Variants in GAN observed in about 807,000 individuals in gnomAD.
GAN encodes the protein gigaxonin.
Under a neutral mutation model 71.3 loss-of-function variants are expected in GAN, and 48 were observed. The ratio of observed to expected loss-of-function variants is 0.67; its 90% confidence interval spans 0.53 to 0.86. The LOEUF is 0.86. Among genes scored for constraint, GAN ranks in the 40% least tolerant of loss-of-function variants. GAN has a pLI of 0.00. For synonymous variants in GAN, 386 were observed against 276.8 expected (o/e 1.39, Z -3.92); for missense variants, 928 against 770.1 (o/e 1.21, Z -2.43).
intron 1 of GAN, among the ~76,000 whole-genome samples, chr16:81,338,343 G>T (rs1342099172): frequency 6.6e-6 from 1 of 152,086 alleles, no homozygotes; most frequent in Non-Finnish European, 1.5e-5. Flanking sequence ...CTCCTGAGGT[G>T]GGGACAGAGA....
intron 1 of GAN, among the ~76,000 whole-genome samples, chr16:81,339,685 A>G (rs4369657): frequency 0.24 from 35,768 of 152,140 alleles, 6,212 homozygotes; most frequent in East Asian, 0.77. Context: ...ACAGGAATCT[A>G]TTTTTACCTA....
intron 3 of GAN, among the ~76,000 whole-genome samples, chr16:81,356,157 C>T (rs1391022781): frequency 6.6e-6 from 1 of 152,204 alleles, no homozygotes; most frequent in Non-Finnish European, 1.5e-5. Flanking sequence ...GCTGTAAAGA[C>T]AGTTGATTTT....
intron 3 of GAN, 41 bp from the exon 4 acceptor site, chr16:81,356,744 T>A: frequency 7.6e-7 from 1 of 1,318,200 alleles, no homozygotes. Context: ...TGTGTTGCAT[T>A]TTCCATTGTT....
In GAN at chr16:81,363,900, C is replaced by T; in HGVS notation, c.1193C>T (p.Ser398Phe). 2 of 1,613,404 alleles carry T rather than the reference C, an allele frequency of 1.2e-6. No individual in the cohort carries two copies. The highest frequency in any genetic ancestry group is 2.2e-5 in the East Asian group (1 of 44,866). The change falls in exon 7 of 11, where the codon TCT (serine) becomes TTT (phenylalanine). Residue 398 changes from serine to phenylalanine, a missense_variant. Physicochemically the swap from Ser to Phe is radical, Grantham distance 155 (BLOSUM62 -2). Transcript: ENST00000648994. Reference protein sequence around the residue: ...LISMECYDIYSKTWTKQPDLT... With the variant: ...LISMECYDIYFKTWTKQPDLT... ...TCCATGGAGTGTTACGATATTTATTCTAAAACCTGGACAAAGCAACCTGAT... is the reference window on the plus strand; with the variant it reads ...TCCATGGAGTGTTACGATATTTATTTTAAAACCTGGACAAAGCAACCTGAT...
chr16:81,319,709 A>G (rs922610280), intron 1 of GAN, among the ~76,000 whole-genome samples: 2 of 150,220 alleles, frequency 1.3e-5, no homozygotes, highest in African/African-American at 4.9e-5. Context: ...CTTCCCCCCG[A>G]CCCCCCCTTA....
intron 6 of GAN, among the ~76,000 whole-genome samples, 177 bp from the exon 7 acceptor site, chr16:81,363,617 C>T (rs1910750048): frequency 6.6e-6 from 1 of 152,196 alleles, no homozygotes; most frequent in Non-Finnish European, 1.5e-5. Flanking sequence ...TACCAAGCGT[C>T]GTACCCAATA....
intron 1 of GAN, among the ~76,000 whole-genome samples, chr16:81,332,015 G>A (rs1909594990): frequency 6.6e-6 from 1 of 152,102 alleles, no homozygotes; most frequent in South Asian, 2.1e-4. Flanking sequence ...TACAAAATTA[G>A]CCGGGCATGG....
intron 1 of GAN, among the ~76,000 whole-genome samples, chr16:81,334,533 C>T (rs1039952113): frequency 2.0e-5 from 3 of 152,174 alleles, no homozygotes; most frequent in African/African-American, 7.2e-5. Context: ...TAGGTTTATT[C>T]CCAAATGAAA....
chr16:81,344,702 A>G (rs1910058266), intron 1 of GAN, among the ~76,000 whole-genome samples: 1 of 152,244 alleles, frequency 6.6e-6, no homozygotes, highest in Non-Finnish European at 1.5e-5. Flanking sequence ...AGGCATGGGC[A>G]AAGACCATGT....
chr16:81,376,521 G>GTA (rs1255360825), intron 9 of GAN, among the ~76,000 whole-genome samples: 2 of 146,626 alleles, frequency 1.4e-5, no homozygotes, highest in East Asian at 2.0e-4. Context: ...ATGTGTGTGT[G>GTA]TATACATATA....
At chr16:81,372,492 A>T (rs1275304881) in intron 9 of GAN, among the ~76,000 whole-genome samples, 3 of 152,234 alleles carry the variant, frequency 2.0e-5, no homozygotes, top group Non-Finnish European at 4.4e-5. Flanking sequence ...TACCTGTTTT[A>T]TAAGCAGCAA....
intron 4 of GAN, 32 bp downstream of exon 4, chr16:81,357,034 G>A: frequency 1.6e-6 from 2 of 1,263,346 alleles, no homozygotes; most frequent in Non-Finnish European, 2.3e-6. Flanking sequence ...TTTGAAAAGT[G>A]GTGTATGGGA....
At chr16:81,369,616 G>C (rs975878433) in intron 9 of GAN, among the ~76,000 whole-genome samples, 4 of 151,994 alleles carry the variant, frequency 2.6e-5, no homozygotes, top group Non-Finnish European at 5.9e-5. Flanking sequence ...TTTTGAGACG[G>C]AGTCTCACTC....
chr16:81,371,142 C>G (rs899247977), intron 9 of GAN, among the ~76,000 whole-genome samples: 2 of 152,138 alleles, frequency 1.3e-5, no homozygotes, highest in African/African-American at 4.8e-5. Flanking sequence ...GTTAGTAATT[C>G]TAAAATGTTT....
intron 5 of GAN, among the ~76,000 whole-genome samples, chr16:81,360,161 G>C (rs117957962): frequency 3.3e-5 from 5 of 152,030 alleles, no homozygotes; most frequent in Non-Finnish European, 7.4e-5. Flanking sequence ...CACTTTCTTC[G>C]TTCTTCCTTC....
At chr16:81,353,032 C>T (rs1201682490) in intron 2 of GAN, among the ~76,000 whole-genome samples, 2 of 152,208 alleles carry the variant, frequency 1.3e-5, no homozygotes, top group African/African-American at 4.8e-5. Flanking sequence ...TGGCTCACGC[C>T]TGTAATCCCA....
chr16:81,365,358 C>T lies in GAN; in HGVS notation c.1382C>T (p.Ala461Val), dbSNP rs753748994. The change falls in exon 9 of 11, where the codon GCG becomes GTG. Residue 461 changes from alanine to valine, a missense_variant. Physicochemically the swap from Ala to Val is moderately conservative, Grantham distance 64 (BLOSUM62 0). Transcript: ENST00000648994. Reference sequence around the variant, plus strand: ...TGTGTGTGGCCTTTCAGGTTTGGAGCGGTGGCCTGTGGAGTTGCTATGGAG... The same window carrying T: ...TGTGTGTGGCCTTTCAGGTTTGGAGTGGTGGCCTGTGGAGTTGCTATGGAG... Reference protein sequence around the residue: ...ICPLKERRFGAVACGVAMELY... With the variant: ...ICPLKERRFGVVACGVAMELY... 7 of 1,613,382 alleles carry T rather than the reference C, an allele frequency of 4.3e-6. No individual in the cohort carries two copies. Among genetic ancestry groups the T allele is most frequent in the East Asian group, 2.2e-5 (1 of 44,866 alleles).
At chr16:81,347,246 C>G (rs889975759) in intron 1 of GAN, among the ~76,000 whole-genome samples, 6 of 152,106 alleles carry the variant, frequency 3.9e-5, no homozygotes, top group African/African-American at 9.7e-5. Flanking sequence ...TGAGTAAAAC[C>G]ATTAGTTCAC....
At chr16:81,352,534 C>A (rs2150684363) in intron 2 of GAN, among the ~76,000 whole-genome samples, 1 of 152,184 alleles carries the variant, frequency 6.6e-6, no homozygotes, top group South Asian at 2.1e-4. Context: ...AGATCTTGTT[C>A]CCTACTCTCT....
Sources: gnomAD v4.1 joint callset for allele counts (sites outside exome capture counted in the v4.1 genomes callset) on GRCh38, gnomAD v4.1.1 for gene constraint, MANE v1.5 for transcripts, NCBI Gene and HGNC (gene_info 2026-07-23, HGNC 2026-07-21) for gene names.